The following SMAD5 variants were observed in gnomAD, a reference collection of about 807,000 sequenced individuals.
The protein encoded by SMAD5 is MAD, mothers against decapentaplegic homolog 5.
A neutral mutation model predicts 43.1 loss-of-function variants in SMAD5; 9 were observed. The ratio of observed to expected loss-of-function variants is 0.21; its 90% CI spans 0.13 to 0.36. The LOEUF is 0.36. SMAD5 is among the 10% of genes least tolerant of loss of function. SMAD5 has a pLI of 1.00. For synonymous variants in SMAD5, 190 were observed against 192.4 expected (o/e 0.99, Z 0.10); for missense variants, 348 against 574.0 (o/e 0.61, Z 4.02).
chr5:136,156,081 C>T (rs1490876173), intron 3 of SMAD5, among the ~76,000 whole-genome samples: 1 of 152,126 alleles, frequency 6.6e-6, no homozygotes, highest in East Asian at 1.9e-4. Flanking sequence ...TGGTTAGGGC[C>T]AAGGTCTTAT....
At chr5:136,138,692 C>T (rs1283659276) in intron 1 of SMAD5, among the ~76,000 whole-genome samples, 2 of 152,140 alleles carry the variant, frequency 1.3e-5, no homozygotes, top group African/African-American at 4.8e-5. Flanking sequence ...CCCCCCTGCC[C>T]CCAAAAGTTA....
chr5:136,136,672 CT>C lies in SMAD5; in HGVS notation c.-245+3712del, dbSNP rs573901687. On this transcript the variant is annotated intron_variant, in intron 1 of 7. Transcript: ENST00000545279. ...GGAAAGATGGGGTAATTACAGAGTT[CT>C]TAGGTTTTTCATAAATAATCAGCTA... 2.2e-4 allele frequency among the ~76,000 whole-genome samples: 33 copies of C among 152,234 alleles called. 1 individual carries two copies. In the Middle Eastern group the frequency reaches 0.017, roughly 78 times the overall value.
Position 136,160,979 on chromosome 5 carries a change from C to T in SMAD5, c.527C>T (p.Ser176Phe). The change falls in exon 4 of 8, where the codon TCT becomes TTT. Residue 176 changes from serine to phenylalanine, a missense_variant. Around this residue, in one of 5 missense-constraint regions of SMAD5, gnomAD observed 185 missense variants for 207.0 expected, o/e 0.89. Coordinates refer to ENST00000545279, the MANE Select transcript of SMAD5 (RefSeq NM_005903.7). ...CCACAAAATGCCACGTTTCCAGATT[C>T]TTTCCACCAGCCCAACAACACTCCT... ...HMPQNATFPD[S>F]FHQPNNTPFP... The T allele has an allele frequency of 1.2e-6, 2 of 1,613,982 alleles. No individual in the cohort carries two copies. Among genetic ancestry groups the T allele is most frequent in the African/African-American group, 1.3e-5 (1 of 75,038 alleles).
In SMAD5 at chr5:136,178,085, A is replaced by AT. The variant is rs1338029767; in HGVS notation, c.*606dup. The AT allele has an allele frequency of 2.0e-5, 3 of 152,662 alleles. No individual in the cohort carries two copies. The highest frequency in any genetic ancestry group is 4.4e-5 in the Non-Finnish European group (3 of 68,052). The allele number at this position is 152,662 out of a possible 1,614,324, so 9.5% of individuals were successfully genotyped here. On this transcript the variant is annotated 3_prime_UTR_variant, in exon 8 of 8. Coordinates refer to ENST00000545279, the MANE Select transcript of SMAD5 (RefSeq NM_005903.7). ...CTAGATGACATAAAATTTACATTTA[A>AT]TACAGATAAGTGTTCTTCAGTGTAA...
At chr5:136,160,103 A>C (rs1041458360) in intron 3 of SMAD5, among the ~76,000 whole-genome samples, 1 of 152,170 alleles carries the variant, frequency 6.6e-6, no homozygotes, top group African/African-American at 2.4e-5. Context: ...AATAAAGTTT[A>C]TCTCTTAAAA....
At chr5:136,163,219 G>A (rs1275854506) in intron 4 of SMAD5, 53 bp from the exon 5 acceptor site, 20 of 1,492,338 alleles carry the variant, frequency 1.3e-5, no homozygotes, top group Non-Finnish European at 1.7e-5. Flanking sequence ...AGCTTTTAGA[G>A]TAATAATTTT....
chr5:136,135,852 G>A (rs866801458), intron 1 of SMAD5, among the ~76,000 whole-genome samples: 118 of 152,274 alleles, frequency 7.7e-4, no homozygotes, highest in African/African-American at 2.5e-3. Flanking sequence ...CCTTGTATCT[G>A]TCTGTCTGTC....
At chr5:136,134,580 CAA>C (rs1485740271) in intron 1 of SMAD5, 7 of 152,134 alleles carry the variant, frequency 4.6e-5, no homozygotes, top group African/African-American at 1.7e-4. Context: ...AGATGTATAA[CAA>C]ATTATTTTAG....
rs1753957946 is a variant in SMAD5, at chr5:136,165,314, A to G, written c.775+1923A>G. 2.0e-5 allele frequency among the ~76,000 whole-genome samples: 3 copies of G among 151,636 alleles called. No homozygotes were observed. In the South Asian group the frequency reaches 6.2e-4, roughly 31 times the overall value. On this transcript the variant is annotated intron_variant, in intron 5 of 7. Coordinates refer to ENST00000545279, the MANE Select transcript of SMAD5 (RefSeq NM_005903.7). ...AGGCATGCATCACCATGCTTGGCCA[A>G]TTTTTTTGTTGTTGTTGAGATGGAG...
chr5:136,162,319 G>A lies in SMAD5; in HGVS notation c.656-953G>A, dbSNP rs191400620. 5.3e-5 allele frequency among the ~76,000 whole-genome samples: 8 copies of A among 152,280 alleles called. No homozygotes were observed. In the East Asian group the frequency reaches 1.4e-3, roughly 26 times the overall value. On this transcript the variant is annotated intron_variant, in intron 4 of 7. Coordinates refer to ENST00000545279, the MANE Select transcript of SMAD5 (RefSeq NM_005903.7). ...GACTCACACAGACGTGGCCCTGGCT[G>A]GGAATGGATTTTTTTTCTCATCAGC...
chr5:136,171,019 A>G (rs1234845582), intron 5 of SMAD5, among the ~76,000 whole-genome samples: 1 of 152,120 alleles, frequency 6.6e-6, no homozygotes, highest in African/African-American at 2.4e-5. Flanking sequence ...AACAAAGACA[A>G]TTTCCTCCTT....
chr5:136,150,921 A>T (rs1353847642), intron 2 of SMAD5, among the ~76,000 whole-genome samples: 1 of 152,032 alleles, frequency 6.6e-6, no homozygotes, highest in South Asian at 2.1e-4. Context: ...TGAAAAAGTG[A>T]TACTAGTAAA....
intron 1 of SMAD5, among the ~76,000 whole-genome samples, chr5:136,142,830 A>T (rs1243074269): frequency 1.3e-5 from 2 of 152,116 alleles, no homozygotes; most frequent in African/African-American, 2.4e-5. Flanking sequence ...AAACTAAGTG[A>T]TAGGCTAAAT....
intron 3 of SMAD5, among the ~76,000 whole-genome samples, chr5:136,158,285 CTT>C (rs1231703773): frequency 6.6e-6 from 1 of 151,924 alleles, no homozygotes; most frequent in Non-Finnish European, 1.5e-5. Flanking sequence ...ATTCTGAAAA[CTT>C]TCCAGAAAAG....
intron 1 of SMAD5, among the ~76,000 whole-genome samples, chr5:136,140,687 C>A (rs1753049860): frequency 1.3e-5 from 2 of 151,930 alleles, no homozygotes; most frequent in Admixed American, 1.3e-4. Flanking sequence ...TTACACCTCT[C>A]TTCCAGGACT....
chr5:136,165,730 C>T (rs1188831400), intron 5 of SMAD5, among the ~76,000 whole-genome samples: 1 of 122,542 alleles, frequency 8.2e-6, no homozygotes, highest in Admixed American at 9.8e-5. Context: ...CAGGGCACAT[C>T]CATATTGTAG....
At chr5:136,161,769 T>A (rs1753832244) in intron 4 of SMAD5, among the ~76,000 whole-genome samples, 1 of 152,244 alleles carries the variant, frequency 6.6e-6, no homozygotes, top group South Asian at 2.1e-4. Flanking sequence ...GAACACCTGC[T>A]GTTGTCAGGC....
At position 136,172,673 on chromosome 5, in the gene SMAD5, C is replaced by T. The variant is rs779061859; in HGVS notation, c.997+18C>T. 6.8e-7 allele frequency: 1 copy of T among 1,471,622 alleles called. No homozygotes were observed. The highest frequency in any genetic ancestry group is 2.3e-5 in the East Asian group (1 of 44,234). 91.2% of individuals were successfully genotyped at this position (1,471,622 alleles called of 1,614,324 possible). On this transcript the variant is annotated intron_variant, in intron 6 of 7. Transcript: ENST00000545279. The stretch of plus-strand genomic sequence containing the variant: ...TGGAAAAGGTAATCTTGTCATTTTC[C>T]TACATTTAATCGAATTCAATCATTT...
At chr5:136,136,039 C>G (rs576053462) in intron 1 of SMAD5, among the ~76,000 whole-genome samples, 55 of 152,244 alleles carry the variant, frequency 3.6e-4, no homozygotes, top group Middle Eastern at 6.8e-3. Flanking sequence ...CTCCACCAGT[C>G]TGGATATTCT....
Sources: allele counts gnomAD v4.1 joint callset (sites outside exome capture counted in the v4.1 genomes callset), GRCh38; gene constraint gnomAD v4.1.1; regional missense constraint gnomAD v4.1.1; transcripts MANE v1.5; gene names NCBI Gene and HGNC (gene_info 2026-07-23, HGNC 2026-07-21).